ADGRL3: variants seen among roughly 807,000 people sequenced by gnomAD.
ADGRL3 encodes the protein adhesion G protein-coupled receptor L3.
A neutral mutation model predicts 153.5 loss-of-function variants in ADGRL3; 62 were observed. The observed-to-expected ratio is 0.40, with a 90% CI of 0.33 to 0.50. The LOEUF (loss-of-function observed/expected upper bound fraction) is 0.50, where lower values mean the gene tolerates loss of function less well. Among genes scored for constraint, ADGRL3 ranks in the 20% least tolerant of loss-of-function variants. ADGRL3 has a pLI of 0.47. For synonymous variants in ADGRL3, 710 were observed against 672.5 expected (o/e 1.06, Z -0.86); for missense variants, 1,641 against 1,859.4 (o/e 0.88, Z 2.16).
intron 21 of ADGRL3, among the ~76,000 whole-genome samples, chr4:62,005,948 A>G (rs2099155882): frequency 7.2e-6 from 1 of 139,462 alleles, no homozygotes. Context: ...TTATATATAT[A>G]CATACATATA....
chr4:61,785,361 A>C (rs1035833036), intron 8 of ADGRL3, among the ~76,000 whole-genome samples: 7 of 152,132 alleles, frequency 4.6e-5, no homozygotes, highest in African/African-American at 1.7e-4. Flanking sequence ...GTGATGCAAA[A>C]TTGGCAAAAT....
intron 8 of ADGRL3, among the ~76,000 whole-genome samples, chr4:61,754,845 C>A (rs1256650945): frequency 6.6e-6 from 1 of 152,046 alleles, no homozygotes; most frequent in African/African-American, 2.4e-5. Flanking sequence ...GTTCAATTCC[C>A]ACCTATGAGT....
At chr4:61,914,055 A>G (rs541454292) in intron 13 of ADGRL3, among the ~76,000 whole-genome samples, 3 of 152,258 alleles carry the variant, frequency 2.0e-5, no homozygotes, top group African/African-American at 7.2e-5. Flanking sequence ...AGGAGAAAAT[A>G]TTGATGAATA....
intron 1 of ADGRL3, among the ~76,000 whole-genome samples, chr4:61,300,543 G>A (rs558145934): frequency 1.3e-5 from 2 of 152,192 alleles, no homozygotes; most frequent in Admixed American, 6.5e-5. Context: ...AGTGAGAAAG[G>A]AACACCTATT....
chr4:61,815,546 G>A (rs950701499), intron 9 of ADGRL3, among the ~76,000 whole-genome samples: 1 of 152,182 alleles, frequency 6.6e-6, no homozygotes, highest in African/African-American at 2.4e-5. Flanking sequence ...ACATTTCAAT[G>A]AATAGATACA....
chr4:61,232,085 GT>G lies in ADGRL3; in HGVS notation c.-240+30322del, dbSNP rs1332899385. Reference sequence around the variant, plus strand: ...TAGTCTGAAGACAGTGGAGAGAATTGTTATATCTCCCTTCTGGGATTGCTGT... The same window carrying G: ...TAGTCTGAAGACAGTGGAGAGAATTGTATATCTCCCTTCTGGGATTGCTGT... On this transcript the variant is annotated intron_variant, in intron 1 of 26. Transcript: ENST00000683033. 2.6e-5 allele frequency among the ~76,000 whole-genome samples: 4 copies of G among 152,134 alleles called. 1 individual carries two copies.
At chr4:61,352,389 A>G (rs548737567) in intron 1 of ADGRL3, among the ~76,000 whole-genome samples, 2 of 151,934 alleles carry the variant, frequency 1.3e-5, no homozygotes, top group African/African-American at 2.4e-5. Flanking sequence ...TACAGTAAAC[A>G]TAACCTTTTT....
intron 2 of ADGRL3, among the ~76,000 whole-genome samples, chr4:61,432,598 C>CTT (rs1255945875): frequency 3.9e-4 from 16 of 40,948 alleles, no homozygotes; most frequent in African/African-American, 1.5e-3. Context: ...TTCTTTCTTT[C>CTT]TTTCTTTCTT....
chr4:61,830,066 G>A (rs1248026307), intron 9 of ADGRL3, among the ~76,000 whole-genome samples: 3 of 151,724 alleles, frequency 2.0e-5, no homozygotes, highest in Non-Finnish European at 1.5e-5. Flanking sequence ...CTTGAGTGTG[G>A]TGGCACCATC....
chr4:61,676,713 C>G (rs1407900219), intron 5 of ADGRL3, 113 bp from the exon 6 acceptor site: 2 of 769,886 alleles, frequency 2.6e-6, no homozygotes, highest in Non-Finnish European at 4.5e-6. Flanking sequence ...CCAAATTAAG[C>G]AAAACCTTAT....
chr4:62,049,476 T>C (rs1274161513), intron 25 of ADGRL3, among the ~76,000 whole-genome samples: 1 of 152,216 alleles, frequency 6.6e-6, no homozygotes, highest in Non-Finnish European at 1.5e-5. Flanking sequence ...GACTGATCTG[T>C]AGATGTGTGG....
chr4:61,932,316 G>A (rs1334411816), intron 13 of ADGRL3, among the ~76,000 whole-genome samples: 1 of 152,064 alleles, frequency 6.6e-6, no homozygotes, highest in East Asian at 1.9e-4. Flanking sequence ...TTATCTAAGA[G>A]CTTTTATACA....
chr4:61,488,829 T>C (rs74567220), intron 2 of ADGRL3, among the ~76,000 whole-genome samples: 90 of 152,126 alleles, frequency 5.9e-4, no homozygotes, highest in African/African-American at 2.1e-3. Flanking sequence ...CTGACACAGA[T>C]TGCTTAAGGT....
chr4:61,215,596 G>A (rs905625016), intron 1 of ADGRL3, among the ~76,000 whole-genome samples: 29 of 119,628 alleles, frequency 2.4e-4, no homozygotes, highest in Admixed American at 5.0e-4. Flanking sequence ...CTGCTTCTCA[G>A]GTTGGAGTGC....
intron 1 of ADGRL3, among the ~76,000 whole-genome samples, chr4:61,349,133 T>G (rs1326433376): frequency 6.6e-6 from 1 of 152,044 alleles, no homozygotes; most frequent in Non-Finnish European, 1.5e-5. Flanking sequence ...TATTTTATAA[T>G]AAGTTACTAG....
intron 1 of ADGRL3, among the ~76,000 whole-genome samples, chr4:61,315,662 A>G (rs2095181697): frequency 6.6e-6 from 1 of 152,204 alleles, no homozygotes; most frequent in African/African-American, 2.4e-5. Context: ...CCTGGAAACC[A>G]TGAAAGAAAG....
At chr4:61,525,818 T>C (rs1158255764) in intron 4 of ADGRL3, among the ~76,000 whole-genome samples, 2 of 152,074 alleles carry the variant, frequency 1.3e-5, no homozygotes, top group African/African-American at 4.8e-5. Flanking sequence ...AGAGGGAGCA[T>C]TGCCTTTTCA....
At chr4:61,485,015 TA>T (rs1466403458) in intron 2 of ADGRL3, among the ~76,000 whole-genome samples, 9 of 152,214 alleles carry the variant, frequency 5.9e-5, no homozygotes, top group Admixed American at 5.2e-4. Context: ...TTAATCAGGC[TA>T]AAGTTACAGC....
At chr4:61,803,965 G>C (rs1257202180) in intron 8 of ADGRL3, among the ~76,000 whole-genome samples, 1 of 152,124 alleles carries the variant, frequency 6.6e-6, no homozygotes, top group Non-Finnish European at 1.5e-5. Flanking sequence ...AAACATAAAA[G>C]TAGGATGAAT....
Sources: allele counts gnomAD v4.1 joint callset (sites outside exome capture counted in the v4.1 genomes callset), GRCh38; gene constraint gnomAD v4.1.1; transcripts MANE v1.5; gene names NCBI Gene and HGNC (gene_info 2026-07-23, HGNC 2026-07-21).